Variants in NTRK3 observed in about 807,000 individuals in gnomAD.
The protein encoded by NTRK3 is neurotrophic receptor tyrosine kinase 3.
Under a neutral mutation model 91.7 loss-of-function variants are expected in NTRK3, and 24 were observed. The ratio of observed to expected loss-of-function variants is 0.26; its 90% confidence interval spans 0.19 to 0.37. The LOEUF (loss-of-function observed/expected upper bound fraction) is 0.37. NTRK3 is among the 10% of genes least tolerant of loss of function. The pLI is 1.00. For synonymous variants in NTRK3, 483 were observed against 404.0 expected, an observed-to-expected ratio of 1.20 and a Z score of -2.34; for missense variants, 880 against 1,068.9, an observed-to-expected ratio of 0.82 and a Z score of 2.46.
intron 13 of NTRK3, among the ~76,000 whole-genome samples, chr15:88,070,428 TCACATA>T (rs2047002314): frequency 6.6e-6 from 1 of 151,864 alleles, no homozygotes; most frequent in African/African-American, 2.4e-5. Flanking sequence ...TTCTGGCCAT[TCACATA>T]CAGAGTCATC....
At chr15:87,946,665 G>T (rs1329353938) in intron 14 of NTRK3, among the ~76,000 whole-genome samples, 1 of 152,090 alleles carries the variant, frequency 6.6e-6, no homozygotes, top group African/African-American at 2.4e-5. Flanking sequence ...TTGATACTCA[G>T]TTCCTAACTA....
intron 3 of NTRK3, among the ~76,000 whole-genome samples, chr15:88,226,677 T>G (rs1047775086): frequency 2.0e-5 from 3 of 152,178 alleles, no homozygotes; most frequent in African/African-American, 7.2e-5. Context: ...GATGCAAATC[T>G]CCATCAAACC....
At chr15:88,256,005 T>C (rs748721173) in exon 3 of NTRK3, 2 of 1,613,132 alleles carry the variant, frequency 1.2e-6, no homozygotes, top group East Asian at 2.2e-5. Context: ...GAGGTTCCCA[T>C]CGTCCGGCCG....
chr15:88,006,865 C>A (rs2076529650), intron 14 of NTRK3, among the ~76,000 whole-genome samples: 1 of 152,266 alleles, frequency 6.6e-6, no homozygotes, highest in Non-Finnish European at 1.5e-5. Flanking sequence ...CAGAACACAG[C>A]ACCATCAGAG....
Position 87,932,366 on chromosome 15 carries a change from T to C in NTRK3, c.1889+646A>G, listed in dbSNP as rs542703466. Reference sequence around the variant, plus strand: ...ATGTGACTAACAAGTAGTTGAAATATGGCTACTGCAACCAAGGAACTAGTG... The same window carrying C: ...ATGTGACTAACAAGTAGTTGAAATACGGCTACTGCAACCAAGGAACTAGTG... On this transcript the variant is annotated intron_variant, in intron 16 of 18. Transcript: ENST00000394480. Among the ~76,000 whole-genome samples the C allele has an allele frequency of 4.5e-4, 68 of 152,370 alleles. 1 individual carries two copies. The highest frequency in any genetic ancestry group is 1.6e-3 in the African/African-American group (65 of 41,586).
At chr15:88,085,130 A>G (rs190847175) in intron 13 of NTRK3, among the ~76,000 whole-genome samples, 111 of 152,334 alleles carry the variant, frequency 7.3e-4, no homozygotes, top group African/African-American at 2.5e-3. Flanking sequence ...AACCATGGTT[A>G]ATAAAATCCC....
At chr15:87,988,141 C>T (rs1285699976) in intron 14 of NTRK3, among the ~76,000 whole-genome samples, 1 of 152,192 alleles carries the variant, frequency 6.6e-6, no homozygotes, top group East Asian at 1.9e-4. Context: ...AGTGTTAAGT[C>T]ATGTGATAAG....
intron 3 of NTRK3, among the ~76,000 whole-genome samples, chr15:88,200,826 C>A (rs2048238803): frequency 6.6e-6 from 1 of 152,192 alleles, no homozygotes; most frequent in African/African-American, 2.4e-5. Flanking sequence ...ACTGGAAGCG[C>A]CTTAGCAATA....
At chr15:88,246,537 AG>A (rs1462450065) in intron 3 of NTRK3, among the ~76,000 whole-genome samples, 1 of 152,180 alleles carries the variant, frequency 6.6e-6, no homozygotes, top group Non-Finnish European at 1.5e-5. Context: ...CCATGATACT[AG>A]CCCCACAGTG....
chr15:87,967,794 TG>T (rs1395761981), intron 14 of NTRK3, among the ~76,000 whole-genome samples: 2 of 152,326 alleles, frequency 1.3e-5, no homozygotes, highest in South Asian at 4.1e-4. Context: ...TCCTAGCAAC[TG>T]AACATGCATG....
chr15:87,959,399 T>A (rs1006973136), intron 14 of NTRK3, among the ~76,000 whole-genome samples: 1 of 152,098 alleles, frequency 6.6e-6, no homozygotes, highest in Non-Finnish European at 1.5e-5. Context: ...CTCCTGTGAC[T>A]CTCTGGAAAC....
chr15:87,865,610 T>G (rs2064647622), exon 19 of NTRK3: 1 of 217,480 alleles, frequency 4.6e-6, no homozygotes, highest in Non-Finnish European at 9.2e-6. Flanking sequence ...CCTGAAAAAT[T>G]AGTTATACCA....
chr15:88,124,421 G>C (rs1567465997), intron 13 of NTRK3, among the ~76,000 whole-genome samples: 1 of 152,172 alleles, frequency 6.6e-6, no homozygotes, highest in Non-Finnish European at 1.5e-5. Flanking sequence ...GAAACAGGAT[G>C]ACAATTAATA....
chr15:88,036,776 A>C (rs1177643719), intron 13 of NTRK3, among the ~76,000 whole-genome samples: 1 of 152,168 alleles, frequency 6.6e-6, no homozygotes, highest in African/African-American at 2.4e-5. Flanking sequence ...AGACACAAAG[A>C]CCACACGCAA....
chr15:88,021,807 C>T (rs1248110166), intron 14 of NTRK3, among the ~76,000 whole-genome samples: 1 of 152,138 alleles, frequency 6.6e-6, no homozygotes, highest in Non-Finnish European at 1.5e-5. Flanking sequence ...TAAGGTATGA[C>T]TCACGTGTTC....
chr15:88,011,715 T>A (rs1433969875), intron 14 of NTRK3, among the ~76,000 whole-genome samples: 1 of 152,180 alleles, frequency 6.6e-6, no homozygotes, highest in Non-Finnish European at 1.5e-5. Context: ...GGGGAGACAC[T>A]TCCCACCGCA....
At chr15:88,218,490 C>A (rs2079861168) in intron 3 of NTRK3, among the ~76,000 whole-genome samples, 1 of 152,238 alleles carries the variant, frequency 6.6e-6, no homozygotes, top group African/African-American at 2.4e-5. Flanking sequence ...TGCTCATCAA[C>A]TAGCCCTGTC....
intron 14 of NTRK3, among the ~76,000 whole-genome samples, chr15:87,956,877 G>T (rs1480547507): frequency 6.6e-6 from 1 of 152,132 alleles, no homozygotes; most frequent in Non-Finnish European, 1.5e-5. Context: ...CTGTTTTTTA[G>T]GGCAGGGGTG....
intron 13 of NTRK3, among the ~76,000 whole-genome samples, chr15:88,071,203 G>A (rs1418303649): frequency 6.6e-6 from 1 of 152,214 alleles, no homozygotes; most frequent in Non-Finnish European, 1.5e-5. Flanking sequence ...TGCACCTGAG[G>A]CCCGAGGACT....
Sources: allele counts gnomAD v4.1 joint callset (sites outside exome capture counted in the v4.1 genomes callset), GRCh38; gene constraint gnomAD v4.1.1; transcripts MANE v1.5; gene names NCBI Gene and HGNC (gene_info 2026-07-23, HGNC 2026-07-21).